Variants in TRIM38 observed in about 807,000 individuals in gnomAD.
TRIM38 encodes the protein E3 ubiquitin-protein ligase TRIM38.
Under a neutral mutation model 35.8 loss-of-function variants are expected in TRIM38, and 35 were observed. The observed-to-expected ratio is 0.98, with a 90% CI of 0.75 to 1.30. TRIM38 has a LOEUF of 1.30. Among genes scored for constraint, TRIM38 ranks in the 50% most tolerant of loss-of-function variants. The pLI is 0.00. For synonymous variants in TRIM38, 198 were observed against 204.7 expected (o/e 0.97, Z 0.28); for missense variants, 545 against 556.9 (o/e 0.98, Z 0.21).
chr6:25,968,485 A>C (rs922928248), intron 3 of TRIM38, among the ~76,000 whole-genome samples: 6 of 152,206 alleles, frequency 3.9e-5, no homozygotes, highest in African/African-American at 1.4e-4. Context: ...ATAAGCTTTG[A>C]GGACATTAAA....
chr6:25,969,522 C>A, intron 4 of TRIM38, 102 bp downstream of exon 4: 4 of 959,004 alleles, frequency 4.2e-6, no homozygotes, highest in South Asian at 2.3e-5. Flanking sequence ...TCTCACTAAA[C>A]CAGATTGAAA....
Position 25,983,517 on chromosome 6 carries a change from C to T in TRIM38, c.1228C>T (p.Leu410=), listed in dbSNP as rs1760626862. 1 of 1,613,992 alleles carries T rather than the reference C, an allele frequency of 6.2e-7. No homozygotes were observed. Among genetic ancestry groups the T allele is most frequent in the African/African-American group, 1.3e-5 (1 of 74,896 alleles). Residue 410 remains leucine, a synonymous_variant, in exon 8 of 8, where the codon CTG becomes TTG. Transcript: ENST00000357085. ...TTCCCTTCATCTGCATGAGCAGCCC[C>T]TGCTTGTGGGAATTTTTCTGGACTA... ...PTSLHLHEQP[L]LVGIFLDYEA...
chr6:25,976,445 A>AT, intron 7 of TRIM38, among the ~76,000 whole-genome samples: 1 of 152,216 alleles, frequency 6.6e-6, no homozygotes. Flanking sequence ...TTTTTTAAAA[A>AT]TTTTTTGTAG....
chr6:25,983,449 TG>T lies in TRIM38; in HGVS notation c.1161del (p.Cys388AlafsTer7), dbSNP rs1459295258. ...CAGTCTGGATTCTGGACCCTCAGGC[TG>T]TGCAAAAAGAAAGGCTATGTAGCAC... ...EPQSGFWTLR[L>X]CKKKGYVALT... On this transcript the variant is annotated frameshift_variant, in exon 8 of 8. Transcript: ENST00000357085. LOFTEE classifies it low-confidence loss of function (END_TRUNC). 20 of 1,614,032 alleles carry T rather than the reference TG, an allele frequency of 1.2e-5. No homozygotes were observed. Among genetic ancestry groups the T allele is most frequent in the Non-Finnish European group, 1.7e-5 (20 of 1,180,038 alleles).
At chr6:25,973,704 C>G (rs1168015171) in intron 7 of TRIM38, 27 of 985,248 alleles carry the variant, frequency 2.7e-5, no homozygotes, top group Non-Finnish European at 3.1e-5. Context: ...TTATCAATAG[C>G]TCAGCCAACT....
At position 25,971,967 on chromosome 6, in the gene TRIM38, G is replaced by A; in HGVS notation, c.606G>A (p.Glu202=). The change falls in exon 5 of 8, where the codon GAG becomes GAA. Residue 202 remains glutamate (E), a synonymous_variant. Coordinates refer to ENST00000357085, the MANE Select transcript of TRIM38 (RefSeq NM_006355.5). ...EEEKSYLWRL[E]KEEQQTLSRL... ...AGAAGTCTTATCTCTGGAGGCTGGAGAAAGAAGAACAACAGACTCTGAGTA... is the reference window on the plus strand; with the variant it reads ...AGAAGTCTTATCTCTGGAGGCTGGAAAAAGAAGAACAACAGACTCTGAGTA... 6.2e-7 allele frequency: 1 copy of A among 1,614,168 alleles called. No homozygotes were observed. Among genetic ancestry groups the A allele is most frequent in the Non-Finnish European group, 8.5e-7 (1 of 1,180,028 alleles).
chr6:25,974,472 T>C (rs1162720030), intron 7 of TRIM38, among the ~76,000 whole-genome samples: 1 of 152,156 alleles, frequency 6.6e-6, no homozygotes, highest in African/African-American at 2.4e-5. Context: ...CTTTGCCATA[T>C]CCTATTGGTC....
At chr6:25,966,987 C>A in intron 3 of TRIM38, 54 bp downstream of exon 3, 1 of 1,500,722 alleles carries the variant, frequency 6.7e-7, no homozygotes, top group Non-Finnish European at 9.0e-7. Context: ...TCCTGCTCCC[C>A]AGGAGCTGAG....
At chr6:25,967,901 G>C (rs114038126) in intron 3 of TRIM38, among the ~76,000 whole-genome samples, 385 of 152,224 alleles carry the variant, frequency 2.5e-3, no homozygotes, top group African/African-American at 8.1e-3. Context: ...AAAGGGAGGA[G>C]AGGGCAGATT....
At chr6:25,972,927 T>G (rs998608234) in intron 5 of TRIM38, 127 bp from the exon 6 acceptor site, 1 of 1,205,804 alleles carries the variant, frequency 8.3e-7, no homozygotes, top group Non-Finnish European at 1.2e-6. Flanking sequence ...TCCATCAATA[T>G]CTAAGACTAA....
chr6:25,988,943 T>C lies in TRIM38; in HGVS notation c.*5256T>C, dbSNP rs1039688500. 7.2e-5 allele frequency: 11 copies of C among 152,202 alleles called. No homozygotes were observed. Among genetic ancestry groups the C allele is most frequent in the Non-Finnish European group, 1.3e-4 (9 of 68,020 alleles). The allele number at this position is 152,202 out of a possible 1,614,324, so 9.4% of individuals were successfully genotyped here. Reference sequence around the variant, plus strand: ...ACTAAGGAGTGTGATTGGTGAATCTTATGGTAAAAGTATGGTTACTTTTGT... The same window carrying C: ...ACTAAGGAGTGTGATTGGTGAATCTCATGGTAAAAGTATGGTTACTTTTGT... On this transcript the variant is annotated 3_prime_UTR_variant, in exon 8 of 8. Transcript: ENST00000357085.
intron 7 of TRIM38, among the ~76,000 whole-genome samples, chr6:25,980,735 A>C (rs1037358680): frequency 3.3e-5 from 5 of 152,164 alleles, no homozygotes; most frequent in Admixed American, 3.3e-4. Flanking sequence ...TTCCATTCTT[A>C]ATAATGCTCT....
intron 5 of TRIM38, 50 bp from the exon 6 acceptor site, chr6:25,973,004 A>G (rs999435038): frequency 4.3e-6 from 7 of 1,613,034 alleles, no homozygotes; most frequent in Non-Finnish European, 5.9e-6. Context: ...GACAAGCCCC[A>G]TGAAATACCG....
chr6:25,976,879 A>T (rs1205853946), intron 7 of TRIM38, among the ~76,000 whole-genome samples: 1 of 152,194 alleles, frequency 6.6e-6, no homozygotes, highest in Non-Finnish European at 1.5e-5. Flanking sequence ...TGATTTTGAC[A>T]GTCTTACAGA....
In TRIM38 at chr6:25,985,642, T is replaced by G. The variant is rs1217977533; in HGVS notation, c.*1955T>G. Reference sequence around the variant, plus strand: ...CTATATACCCGTAGTCTCGGTATGCTGACCCAGACTTGGGTAATAGGACCC... The same window carrying G: ...CTATATACCCGTAGTCTCGGTATGCGGACCCAGACTTGGGTAATAGGACCC... On this transcript the variant is annotated 3_prime_UTR_variant, in exon 8 of 8. Coordinates refer to ENST00000357085, the MANE Select transcript of TRIM38 (RefSeq NM_006355.5). 1.3e-5 allele frequency: 2 copies of G among 152,278 alleles called. No individual in the cohort carries two copies. The highest frequency in any genetic ancestry group is 2.9e-5 in the Non-Finnish European group (2 of 68,054). The allele number at this position is 152,278 out of a possible 1,614,324, so 9.4% of individuals were successfully genotyped here. A position where few individuals can be genotyped will look rare whatever the true frequency, so the allele number is the denominator to read the frequency against.
At position 25,984,335 on chromosome 6, in the gene TRIM38, A is replaced by G. The variant is rs1760654671; in HGVS notation, c.*648A>G. The G allele has an allele frequency of 6.6e-6, 1 of 152,278 alleles. No individual in the cohort carries two copies. Among genetic ancestry groups the G allele is most frequent in the African/African-American group, 2.4e-5 (1 of 41,428 alleles). The allele number at this position is 152,278 out of a possible 1,614,324, so 9.4% of individuals were successfully genotyped here. A position where few individuals can be genotyped will look rare whatever the true frequency, so the allele number is the denominator to read the frequency against. On this transcript the variant is annotated 3_prime_UTR_variant, in exon 8 of 8. Coordinates refer to ENST00000357085, the MANE Select transcript of TRIM38 (RefSeq NM_006355.5). ...ATTCAGTTCTGGAAAAGAATTTGGT[A>G]TTTTCCAGTCTGCTAGGACCAATTA...
rs943791738 is a variant in TRIM38 at position 25,985,684 on chromosome 6, A to G, written c.*1997A>G. ...ATAGGACCCAGTGGGTAACCGAGGA[A>G]CCCCACCTTTGTGCAGGATCAGTGA... is the stretch of plus-strand genomic sequence containing the variant. On this transcript the variant is annotated 3_prime_UTR_variant, in exon 8 of 8. Coordinates refer to ENST00000357085, the MANE Select transcript of TRIM38 (RefSeq NM_006355.5). 13 of 152,222 alleles carry G rather than the reference A, an allele frequency of 8.5e-5. No homozygotes were observed. The highest frequency in any genetic ancestry group is 2.9e-4 in the African/African-American group (12 of 41,458). 9.4% of individuals were successfully genotyped at this position (152,222 alleles called of 1,614,324 possible).
intron 3 of TRIM38, among the ~76,000 whole-genome samples, chr6:25,968,703 A>G (rs1306480832): frequency 6.6e-6 from 1 of 152,234 alleles, no homozygotes; most frequent in Non-Finnish European, 1.5e-5. Context: ...GAAATATGAG[A>G]AACTGTTTTG....
In TRIM38 at chr6:25,987,480, C is replaced by T. The variant is rs2113632162; in HGVS notation, c.*3793C>T. 6.6e-6 allele frequency: 1 copy of T among 152,268 alleles called. No individual in the cohort carries two copies. The highest frequency in any genetic ancestry group is 2.1e-4 in the South Asian group (1 of 4,828). 9.4% of individuals were successfully genotyped at this position (152,268 alleles called of 1,614,324 possible). A position where few individuals can be genotyped will look rare whatever the true frequency, so the allele number is the denominator to read the frequency against. On this transcript the variant is annotated 3_prime_UTR_variant, in exon 8 of 8. Transcript: ENST00000357085. ...AGTCCCATCATGCCCATCATGAAGA[C>T]TCGATCTGCTAGGATCTCAACTAAA...
Sources: allele counts gnomAD v4.1 joint callset (sites outside exome capture counted in the v4.1 genomes callset), GRCh38; gene constraint gnomAD v4.1.1; transcripts MANE v1.5; gene names NCBI Gene and HGNC (gene_info 2026-07-23, HGNC 2026-07-21).